MUC6: variants seen among roughly 807,000 people sequenced by gnomAD.
MUC6 encodes mucin 6, oligomeric mucus/gel-forming (gene/pseudogene).
A neutral mutation model predicts 201.5 loss-of-function variants in MUC6; 188 were observed. The ratio of observed to expected loss-of-function variants is 0.93; its 90% CI spans 0.83 to 1.05. The LOEUF (loss-of-function observed/expected upper bound fraction) is 1.05. Among genes scored for constraint, MUC6 ranks in the 50% least tolerant of loss-of-function variants. The pLI is 0.00. For missense variants in MUC6, 2,706 were observed against 3,256.9 expected (o/e 0.83, Z 4.12); for synonymous variants, 1,228 against 1,389.4 (o/e 0.88, Z 2.58).
Position 1,027,690 on chromosome 11 carries a change from T to C in MUC6, c.1976A>G (p.Asn659Ser), listed in dbSNP as rs1564842170. The C allele has an allele frequency of 6.3e-7, 1 of 1,599,918 alleles. No individual in the cohort carries two copies. ...LLWGWRSSVD[N>S]CTIPCTGNTT... ...AAGCCCCGTCGGGCACTCACTGCAG[T>C]TGTCCACACTGCTTCTCCAGCCCCA... Residue 659 changes from asparagine (N) to serine (S), a missense_variant, in exon 16 of 33, where the codon AAC (asparagine) becomes AGC (serine). This residue lies in a region of MUC6 where 1,850 missense variants were observed against 1,958.3 expected (regional missense o/e 0.94). Transcript: ENST00000421673.
intron 27 of MUC6, 130 bp downstream of exon 27, chr11:1,021,085 G>T: frequency 1.1e-6 from 1 of 906,724 alleles, no homozygotes; most frequent in Non-Finnish European, 1.6e-6. Context: ...GTCCTGGAGA[G>T]TGGAGTCCCA....
rs748010841 is a variant in MUC6, at chr11:1,028,198, C to G, written c.1753+28G>C. 1.9e-6 allele frequency: 3 copies of G among 1,549,482 alleles called. No homozygotes were observed. In the African/African-American group the frequency reaches 4.1e-5, roughly 21 times the overall value. On this transcript the variant is annotated intron_variant, in intron 14 of 32. Transcript: ENST00000421673. ...AGAACTGTGGGCGCTGGGGGGGCAG[C>G]CAGGGGAGTGGGGGGCCGGACACTC...
chr11:1,033,411 G>T lies in MUC6; in HGVS notation c.53-336C>A, dbSNP rs1857155551. Among the ~76,000 whole-genome samples the T allele has an allele frequency of 6.7e-6, 1 of 148,670 alleles. No homozygotes were observed. Among genetic ancestry groups the T allele is most frequent in the African/African-American group, 2.4e-5 (1 of 41,080 alleles). ...GGGGCTTCTGGGTGGGGCTAGGAGG[G>T]GCTGGTGCGGGTGGCAGGGGCTTGG... is the stretch of plus-strand genomic sequence containing the variant. On this transcript the variant is annotated intron_variant, in intron 1 of 32. Coordinates refer to ENST00000421673, the MANE Select transcript of MUC6 (RefSeq NM_005961.3). This position sits in a 1 kb window ranked among gnomAD's most constrained non-coding sequence, Gnocchi z 5.6.
rs752489577 is a variant in MUC6 at position 1,029,346 on chromosome 11, C to T, written c.1157G>A (p.Trp386Ter). 6.2e-7 allele frequency: 1 copy of T among 1,601,722 alleles called. No homozygotes were observed. The highest frequency in any genetic ancestry group is 1.1e-5 in the South Asian group (1 of 89,238). Residue 386 changes from tryptophan to a stop codon, truncating the protein, a stop_gained, in exon 10 of 33, where the codon TGG (tryptophan) becomes TAG (stop). Transcript: ENST00000421673. LOFTEE classifies it high-confidence loss of function. ...GGGGCACGGCCGCTCCGTGCACACC[C>T]AGCGGCCCAGGGTGCACCGGCTGTG... is the stretch of plus-strand genomic sequence containing the variant. ...CQTCRCTLGR[W>*]VCTERPCPGH...
rs1856877893 is a variant in MUC6 at position 1,023,630 on chromosome 11, G to A, written c.3405C>T (p.Asn1135=). Residue 1135 remains asparagine, a synonymous_variant, in exon 26 of 33, where the codon AAC becomes AAT. Coordinates refer to ENST00000421673, the MANE Select transcript of MUC6 (RefSeq NM_005961.3). ...AFCPIYCGFY[N]THTQDGHGEY... ...CGCCATGGCCGTCCTGCGTGTGCGT[G>A]TTGTAGAAGCCGCAGTAGATGGCTG... 6.2e-7 allele frequency: 1 copy of A among 1,612,682 alleles called. No individual in the cohort carries two copies. Among genetic ancestry groups the A allele is most frequent in the South Asian group, 1.1e-5 (1 of 91,026 alleles).
At position 1,025,098 on chromosome 11, in the gene MUC6, A is replaced by G. The variant is rs1856921084; in HGVS notation, c.2986-15T>C. The G allele has an allele frequency of 6.2e-7, 1 of 1,612,850 alleles. No homozygotes were observed. ...CAGAGGGGATCCTGCAGACGGTGGCATCAGGCCGGGCCCAGGGGCCGTGCC... is the reference window on the plus strand; with the variant it reads ...CAGAGGGGATCCTGCAGACGGTGGCGTCAGGCCGGGCCCAGGGGCCGTGCC... On this transcript the variant is annotated splice_polypyrimidine_tract_variant and intron_variant, in intron 23 of 32. Coordinates refer to ENST00000421673, the MANE Select transcript of MUC6 (RefSeq NM_005961.3).
At chr11:1,021,324 G>C in intron 26 of MUC6, 47 bp from the exon 27 acceptor site, 1 of 1,357,080 alleles carries the variant, frequency 7.4e-7, no homozygotes, top group Non-Finnish European at 9.8e-7. Context: ...GGCCAGCCAG[G>C]CCCACCTGCG....
chr11:1,015,856 G>C lies in MUC6; in HGVS notation c.6945C>G (p.Thr2315=). ...TRHPGPTLSP[T]TRFLTSSLTA... is the part of the protein sequence containing the mutation. ...TGAGGGAGCTGGTCAGGAACCGTGTGGTAGGCGACAAGGTGGGACCAGGGT... is the reference window on the plus strand; with the variant it reads ...TGAGGGAGCTGGTCAGGAACCGTGTCGTAGGCGACAAGGTGGGACCAGGGT... The change falls in exon 31 of 33, where the codon ACC becomes ACG. Residue 2315 remains threonine, a synonymous_variant. Coordinates refer to ENST00000421673, the MANE Select transcript of MUC6 (RefSeq NM_005961.3). 6.2e-7 allele frequency: 1 copy of C among 1,606,286 alleles called. No individual in the cohort carries two copies. The highest frequency in any genetic ancestry group is 8.5e-7 in the Non-Finnish European group (1 of 1,175,718).
At chr11:1,032,318 T>G (rs1054063212) in intron 2 of MUC6, among the ~76,000 whole-genome samples, 1 of 152,060 alleles carries the variant, frequency 6.6e-6, no homozygotes, top group Non-Finnish European at 1.5e-5. Flanking sequence ...CGTATGTGCG[T>G]GTCTCGGGTG....
Position 1,030,617 on chromosome 11 carries a change from A to T in MUC6, c.848T>A (p.Met283Lys). 1 of 1,540,254 alleles carries T rather than the reference A, an allele frequency of 6.5e-7. No homozygotes were observed. The highest frequency in any genetic ancestry group is 8.7e-7 in the Non-Finnish European group (1 of 1,144,614). ...CCAGCGGCGGACCGGCTGGCCCACC[A>T]TGCTGCACTGGCGGGAGTACTCCGA... ...TLSEYSRQCS[M>K]VGQPVRRWRS... The change falls in exon 7 of 33, where the codon ATG (methionine) becomes AAG (lysine). Residue 283 changes from methionine (M) to lysine (K), a missense_variant. Transcript: ENST00000421673.
chr11:1,019,511 C>T lies in MUC6; in HGVS notation c.3809-15G>A, dbSNP rs780574793. ...TCTAGGTGGTTCTGCAGAGGACAGC[C>T]GCCCGGAACATCCCCTTGCTGTGGG... On this transcript the variant is annotated splice_polypyrimidine_tract_variant and intron_variant, in intron 29 of 32. Coordinates refer to ENST00000421673, the MANE Select transcript of MUC6 (RefSeq NM_005961.3). 2.9e-5 allele frequency: 46 copies of T among 1,606,226 alleles called. No individual in the cohort carries two copies. The highest frequency in any genetic ancestry group is 3.3e-5 in the Non-Finnish European group (39 of 1,174,096).
Position 1,016,634 on chromosome 11 carries a change from C to G in MUC6, c.6167G>C (p.Gly2056Ala), listed in dbSNP as rs1257379400. 1 of 1,598,758 alleles carries G rather than the reference C, an allele frequency of 6.3e-7. No homozygotes were observed. ...VPPPTTLKAT[G>A]STHTAPPMTV... ...CATTGGTGGGGCTGTGTGGGTGGAC[C>G]CTGTGGCCTTGAGCGTTGTTGGTGG... The change falls in exon 31 of 33, where the codon GGG (glycine) becomes GCG (alanine). Residue 2056 changes from glycine to alanine, a missense_variant. By Grantham distance (60) the Gly-to-Ala change is moderately conservative. This residue lies in a region of MUC6 where 20 missense variants were observed against 43.3 expected (regional missense o/e 0.46). Coordinates refer to ENST00000421673, the MANE Select transcript of MUC6 (RefSeq NM_005961.3).
Position 1,031,817 on chromosome 11 carries a change from T to C in MUC6, c.352A>G (p.Ile118Val), listed in dbSNP as rs756152811. The C allele has an allele frequency of 3.6e-5, 57 of 1,604,534 alleles. No homozygotes were observed. Among genetic ancestry groups the C allele is most frequent in the Non-Finnish European group, 4.6e-5 (54 of 1,176,566 alleles). ...VSEAIISVKD[I>V]GVISLPYTSN... ...GCCCCGGCCCACCTGACCTACCCGATGTCCTTGACTGAGATGATGGCTTCG... is the reference window on the plus strand; with the variant it reads ...GCCCCGGCCCACCTGACCTACCCGACGTCCTTGACTGAGATGATGGCTTCG... Residue 118 changes from isoleucine to valine, a missense_variant, in exon 3 of 33, where the codon ATC (isoleucine) becomes GTC (valine). Transcript: ENST00000421673.
At chr11:1,026,168 GGGCCTGCGGCCC>G (rs1385019187) in intron 20 of MUC6, 27 bp from the exon 21 acceptor site, 1 of 1,576,928 alleles carries the variant, frequency 6.3e-7, no homozygotes. Context: ...TGTGGGTGGT[GGGCCTGCGGCCC>G]TCCTGCCATA....
chr11:1,030,491 C>T (rs938014629), intron 7 of MUC6, 82 bp downstream of exon 7: 46 of 1,442,444 alleles, frequency 3.2e-5, no homozygotes, highest in African/African-American at 2.8e-4. Context: ...GCAGGCGTCA[C>T]GTCAGGCAGT....
At chr11:1,023,453 T>C in intron 26 of MUC6, 56 bp downstream of exon 26, 4 of 1,532,400 alleles carry the variant, frequency 2.6e-6, no homozygotes, top group Non-Finnish European at 3.5e-6. Flanking sequence ...TGAATGTGCA[T>C]GAATGAGTGA....
intron 32 of MUC6, 112 bp from the exon 33 acceptor site, chr11:1,013,745 G>T: frequency 7.1e-7 from 1 of 1,399,484 alleles, no homozygotes; most frequent in Non-Finnish European, 9.8e-7. Flanking sequence ...TGAGCTCCCG[G>T]CTCACAGGGG....
chr11:1,025,986 C>T lies in MUC6; in HGVS notation c.2688+14G>A, dbSNP rs1337687405. ...TGGGTCCCCGGCCCCTGCGGCCTGG[C>T]ACCCGATGGTTACCGTGGCCAGGAT... On this transcript the variant is annotated intron_variant, in intron 21 of 32. Transcript: ENST00000421673. 1 of 1,587,700 alleles carries T rather than the reference C, an allele frequency of 6.3e-7. No homozygotes were observed. Among genetic ancestry groups the T allele is most frequent in the Non-Finnish European group, 8.6e-7 (1 of 1,167,468 alleles).
Position 1,027,962 on chromosome 11 carries a change from C to A in MUC6, c.1848+3G>T. On this transcript the variant is annotated splice_donor_region_variant and intron_variant, in intron 15 of 32. Coordinates refer to ENST00000421673, the MANE Select transcript of MUC6 (RefSeq NM_005961.3). ...CCCTCCCAAGACGCCCTCGGGCCCT[C>A]ACCTTGTAGAAGGGTGCAGGGTTCA... 6.4e-7 allele frequency: 1 copy of A among 1,570,930 alleles called. No homozygotes were observed. The highest frequency in any genetic ancestry group is 1.4e-5 in the African/African-American group (1 of 73,912).
Sources: gnomAD v4.1 joint callset for allele counts (sites outside exome capture counted in the v4.1 genomes callset) on GRCh38, gnomAD v4.1.1 for gene constraint, gnomAD v4.1.1 regional missense constraint, Gnocchi (gnomAD v3.1) non-coding constraint, MANE v1.5 for transcripts, NCBI Gene and HGNC (gene_info 2026-07-23, HGNC 2026-07-21) for gene names.